PCDHGA6: variants seen among roughly 807,000 people sequenced by gnomAD.
The protein encoded by PCDHGA6 is protocadherin gamma-A6.
Under a neutral mutation model 60.6 loss-of-function variants are expected in PCDHGA6, and 41 were observed. The ratio of observed to expected loss-of-function variants is 0.68; its 90% CI spans 0.53 to 0.88. PCDHGA6 has a LOEUF of 0.88. Among genes scored for constraint, PCDHGA6 ranks in the 40% least tolerant of loss-of-function variants. The pLI is 0.00. For synonymous variants in PCDHGA6, 594 were observed against 524.4 expected (o/e 1.13, Z -1.81); for missense variants, 1,312 against 1,203.0 (o/e 1.09, Z -1.34).
At chr5:141,405,169 CTT>C (rs1561698717) in intron 1 of PCDHGA6, 2 of 1,614,122 alleles carry the variant, frequency 1.2e-6, no homozygotes, top group Non-Finnish European at 1.7e-6. Flanking sequence ...CCACCTCACA[CTT>C]TGTGGGTGTA....
chr5:141,400,591 C>A, intron 1 of PCDHGA6: 1 of 1,602,976 alleles, frequency 6.2e-7, no homozygotes, highest in Non-Finnish European at 8.5e-7. Flanking sequence ...ATGAAACTAT[C>A]GTACATTTTC....
At chr5:141,495,123 T>C (rs2099759225) in intron 2 of PCDHGA6, among the ~76,000 whole-genome samples, 1 of 152,162 alleles carries the variant, frequency 6.6e-6, no homozygotes, top group African/African-American at 2.4e-5. Flanking sequence ...TCCTATCCCC[T>C]GAGGGCACTG....
chr5:141,383,219 A>G (rs1333678455), intron 1 of PCDHGA6: 2 of 1,614,000 alleles, frequency 1.2e-6, no homozygotes, highest in Admixed American at 3.3e-5. Context: ...GTAAACTTTA[A>G]CATCCTGATG....
intron 1 of PCDHGA6, among the ~76,000 whole-genome samples, chr5:141,402,165 T>A (rs1200714000): frequency 6.6e-6 from 1 of 152,164 alleles, no homozygotes; most frequent in Non-Finnish European, 1.5e-5. Context: ...GGCGAGAACA[T>A]CTGTAACTAT....
At chr5:141,469,079 C>T (rs1169035651) in intron 1 of PCDHGA6, among the ~76,000 whole-genome samples, 1 of 151,492 alleles carries the variant, frequency 6.6e-6, no homozygotes, top group Non-Finnish European at 1.5e-5. Context: ...GAGTTTGAGA[C>T]CATTCTAGGC....
chr5:141,385,640 A>C (rs917789862), intron 1 of PCDHGA6: 1 of 803,664 alleles, frequency 1.2e-6, no homozygotes, highest in Admixed American at 4.6e-5. Context: ...CGAGTCTTTC[A>C]TATTGCACAA....
intron 1 of PCDHGA6, chr5:141,389,294 A>T (rs776760884): frequency 1.2e-6 from 2 of 1,613,964 alleles, no homozygotes; most frequent in Non-Finnish European, 1.7e-6. Flanking sequence ...CCTCTATTTC[A>T]CAAGTCAGGG....
intron 1 of PCDHGA6, chr5:141,415,066 C>G: frequency 6.2e-7 from 1 of 1,613,410 alleles, no homozygotes; most frequent in Non-Finnish European, 8.5e-7. Context: ...GGGCGAGGTG[C>G]GCACGGCGCG....
Position 141,423,756 on chromosome 5 carries a change from G to GA in PCDHGA6, c.2424+47249_2424+47250insA. ...GCCTGTTATGAAAACTGTTTGGGGGGGGGGTGGGGCGGCATATATTTAGTT... is the reference window on the plus strand; with the variant it reads ...GCCTGTTATGAAAACTGTTTGGGGGGAGGGGTGGGGCGGCATATATTTAGTT... On this transcript the variant is annotated intron_variant, in intron 1 of 3. Transcript: ENST00000517434. 2 of 448,622 alleles carry GA rather than the reference G, an allele frequency of 4.5e-6. 1 individual carries two copies. The highest frequency in any genetic ancestry group is 6.1e-6 in the Non-Finnish European group (2 of 329,708). 27.8% of individuals were successfully genotyped at this position (448,622 alleles called of 1,614,324 possible). A position where few individuals can be genotyped will look rare whatever the true frequency, so the allele number is the denominator to read the frequency against.
chr5:141,399,597 C>T, intron 1 of PCDHGA6: 1 of 1,613,958 alleles, frequency 6.2e-7, no homozygotes, highest in Non-Finnish European at 8.5e-7. Flanking sequence ...TCATGGCCAG[C>T]GACCTAGAGC....
chr5:141,420,135 A>T (rs2096469364), intron 1 of PCDHGA6: 1 of 1,614,026 alleles, frequency 6.2e-7, no homozygotes. Flanking sequence ...GTGCCTGGGG[A>T]TCAAATGAAT....
At chr5:141,410,047 A>G in intron 1 of PCDHGA6, 1 of 1,612,420 alleles carries the variant, frequency 6.2e-7, no homozygotes. Flanking sequence ...GTGAGCCCGG[A>G]CTCTTCAGCC....
intron 1 of PCDHGA6, among the ~76,000 whole-genome samples, chr5:141,465,140 G>A (rs1019369475): frequency 5.3e-5 from 8 of 151,554 alleles, no homozygotes; most frequent in Non-Finnish European, 7.4e-5. Context: ...AAGTTTAGGG[G>A]ATATATGAAG....
At chr5:141,412,903 G>C (rs2095586511) in intron 1 of PCDHGA6, 1 of 376,030 alleles carries the variant, frequency 2.7e-6, no homozygotes, top group African/African-American at 2.1e-5. Context: ...ACTTTCCATT[G>C]CATGTATCAC....
At chr5:141,467,059 T>C (rs1157689140) in intron 1 of PCDHGA6, among the ~76,000 whole-genome samples, 2 of 151,064 alleles carry the variant, frequency 1.3e-5, no homozygotes, top group African/African-American at 2.4e-5. Context: ...TGTTTTCTTT[T>C]TTTTTTTTTT....
chr5:141,427,483 A>G lies in PCDHGA6; in HGVS notation c.2424+50976A>G, dbSNP rs759092057. The G allele has an allele frequency of 1.5e-4, 79 of 535,350 alleles. 2 individuals carry two copies. The highest frequency in any genetic ancestry group is 1.1e-3 in the South Asian group (73 of 65,268). 33.2% of individuals were successfully genotyped at this position (535,350 alleles called of 1,614,324 possible). ...ATCGAATCTTCCGCCAATAATGACT[A>G]TAAGCTTGTAACAGATGGGACCCTG... On this transcript the variant is annotated intron_variant, in intron 1 of 3. Coordinates refer to ENST00000517434, the MANE Select transcript of PCDHGA6 (RefSeq NM_018919.3).
At chr5:141,392,730 C>T (rs1374381872) in intron 1 of PCDHGA6, 10 of 1,409,212 alleles carry the variant, frequency 7.1e-6, no homozygotes, top group Non-Finnish European at 8.4e-6. Context: ...GGAGGATTGT[C>T]ATCTCCATAG....
chr5:141,480,429 T>A (rs72790066), intron 1 of PCDHGA6, among the ~76,000 whole-genome samples: 9,317 of 151,926 alleles, frequency 0.061, 335 homozygotes, highest in South Asian at 0.12. Context: ...AAAAAAATTA[T>A]CAGCTATTAC....
Position 141,490,982 on chromosome 5 carries a change from G to A in PCDHGA6, c.2425-3825G>A, listed in dbSNP as rs964673026. 5 of 1,613,994 alleles carry A rather than the reference G, an allele frequency of 3.1e-6. No homozygotes were observed. Among genetic ancestry groups the A allele is most frequent in the Admixed American group, 1.7e-5 (1 of 60,020 alleles). On this transcript the variant is annotated intron_variant, in intron 1 of 3. Coordinates refer to ENST00000517434, the MANE Select transcript of PCDHGA6 (RefSeq NM_018919.3). This position sits in a 1 kb window ranked among gnomAD's most constrained non-coding sequence, Gnocchi z 5.4. The stretch of plus-strand genomic sequence containing the variant: ...CACTCAGCCCCCCAGCGTCTCCCTC[G>A]CTCTGCTCCTCCTGGCTCCTTGGTC...
Sources: gnomAD v4.1 joint callset for allele counts (sites outside exome capture counted in the v4.1 genomes callset) on GRCh38, gnomAD v4.1.1 for gene constraint, Gnocchi (gnomAD v3.1) non-coding constraint, MANE v1.5 for transcripts, NCBI Gene and HGNC (gene_info 2026-07-23, HGNC 2026-07-21) for gene names.